Variants in TBX2 observed in about 807,000 individuals in gnomAD.
TBX2 encodes the protein T-box transcription factor 2, also known as T-box transcription factor TBX2.
A neutral mutation model predicts 48.4 loss-of-function variants in TBX2; 19 were observed. The observed-to-expected ratio is 0.39, with a 90% CI of 0.27 to 0.58. The LOEUF is 0.58. Ranked by LOEUF, TBX2 falls within the 20% of genes least tolerant of loss-of-function variation. The pLI, the probability that TBX2 is intolerant of heterozygous loss-of-function variation, is 0.54. For synonymous variants in TBX2, 522 were observed against 459.7 expected (o/e 1.14, Z -1.73); for missense variants, 994 against 1,006.5 (o/e 0.99, Z 0.17).
intron 5 of TBX2, chr17:61,404,978 T>C: frequency 4.0e-6 from 5 of 1,256,614 alleles, no homozygotes; most frequent in Non-Finnish European, 5.6e-6. Context: ...GCCTGGCCCC[T>C]TGGGCGCCGT....
In TBX2 at chr17:61,404,411, G is replaced by T. The variant is rs759913858; in HGVS notation, c.811-10G>T. 3 of 1,603,162 alleles carry T rather than the reference G, an allele frequency of 1.9e-6. No homozygotes were observed. Among genetic ancestry groups the T allele is most frequent in the Non-Finnish European group, 2.6e-6 (3 of 1,175,050 alleles). On this transcript the variant is annotated splice_polypyrimidine_tract_variant and intron_variant, in intron 3 of 6. Transcript: ENST00000240328. The stretch of plus-strand genomic sequence containing the variant: ...GGCCTGACTTAGCGCCGCCCCCTTG[G>T]TCCCCGCAGATCACACAGCTGAAGA...
At position 61,405,702 on chromosome 17, in the gene TBX2, G is replaced by A. The variant is rs947384542; in HGVS notation, c.1552G>A (p.Gly518Ser). Residue 518 changes from glycine to serine, a missense_variant, in exon 6 of 7, where the codon GGC becomes AGC. Around this residue, in one of 5 missense-constraint regions of TBX2, gnomAD observed 639 missense variants for 613.2 expected, o/e 1.04. Transcript: ENST00000240328. ...TCACCTACTGGCCTCGGTGGCAGGC[G>A]GCGGCAACGGCGGAGGTGGCGGGCC... ...MGHLLASVAG[G>S]GNGGGGGPGT... is the part of the protein sequence containing the mutation. The A allele has an allele frequency of 2.6e-5, 36 of 1,377,706 alleles. No homozygotes were observed. Among genetic ancestry groups the A allele is most frequent in the Non-Finnish European group, 3.2e-5 (34 of 1,070,982 alleles). 85.3% of individuals were successfully genotyped at this position (1,377,706 alleles called of 1,614,324 possible).
rs57152256 is a variant in TBX2 at position 61,402,676 on chromosome 17, G to A, written c.664-385G>A. 2.6e-3 allele frequency among the ~76,000 whole-genome samples: 391 copies of A among 152,180 alleles called. 2 individuals carry two copies. The highest frequency in any genetic ancestry group is 9.0e-3 in the African/African-American group (374 of 41,522). On this transcript the variant is annotated intron_variant, in intron 2 of 6. Coordinates refer to ENST00000240328, the MANE Select transcript of TBX2 (RefSeq NM_005994.4). Reference sequence around the variant, plus strand: ...GAGAGTGTTAAGAGTGGAATTGTAGGGCTCTGTTTTGTTTTATTTTGTTTG... The same window carrying A: ...GAGAGTGTTAAGAGTGGAATTGTAGAGCTCTGTTTTGTTTTATTTTGTTTG...
Position 61,408,381 on chromosome 17 carries a change from C to T in TBX2, c.2014C>T (p.Arg672Cys), listed in dbSNP as rs113424512. The T allele has an allele frequency of 1.4e-4, 214 of 1,567,070 alleles. No homozygotes were observed. The highest frequency in any genetic ancestry group is 1.6e-4 in the Non-Finnish European group (188 of 1,157,168). Residue 672 changes from arginine (R) to cysteine (C), a missense_variant, in exon 7 of 7, where the codon CGC becomes TGC. Arg to Cys is a radical substitution (Grantham distance 180, BLOSUM62 -3). Around this residue, in one of 5 missense-constraint regions of TBX2, gnomAD observed 639 missense variants for 613.2 expected, o/e 1.04. Transcript: ENST00000240328. Reference sequence around the variant, plus strand: ...TCTCCGCAAAGTAGGGGCCCCATCCCGCGGTGCCCTGTCGCCCAGTGGCTC... The same window carrying T: ...TCTCCGCAAAGTAGGGGCCCCATCCTGCGGTGCCCTGTCGCCCAGTGGCTC... ...LALRKVGAPSRGALSPSGSAK... is the reference protein window; with the variant it reads ...LALRKVGAPSCGALSPSGSAK...
chr17:61,404,210 C>T (rs2060277962), intron 3 of TBX2, among the ~76,000 whole-genome samples: 1 of 152,212 alleles, frequency 6.6e-6, no homozygotes, highest in South Asian at 2.1e-4. Flanking sequence ...GATAATTCCT[C>T]GAATGAAGCT....
chr17:61,400,599 C>CGCGGGCGG lies in TBX2; in HGVS notation c.395+39_395+46dup. 4 of 1,292,078 alleles carry CGCGGGCGG rather than the reference C, an allele frequency of 3.1e-6. No individual in the cohort carries two copies. Among genetic ancestry groups the CGCGGGCGG allele is most frequent in the Non-Finnish European group, 4.3e-6 (4 of 933,276 alleles). The allele number at this position is 1,292,078 out of a possible 1,614,324, so 80.0% of individuals were successfully genotyped here. On this transcript the variant is annotated intron_variant, in intron 1 of 6. Coordinates refer to ENST00000240328, the MANE Select transcript of TBX2 (RefSeq NM_005994.4). This position sits in a 1 kb window ranked among gnomAD's most constrained non-coding sequence, Gnocchi z 9.2. ...AGGGCTGCCGGCCGGCTGGAAGGCGCGCGGGCGGGCGGGCGGGCTGGGGCA... is the reference window on the plus strand; with the variant it reads ...AGGGCTGCCGGCCGGCTGGAAGGCGCGCGGGCGGGCGGGCGGGCGGGCGGGCTGGGGCA...
rs182730851 is a variant in TBX2, at chr17:61,404,131, A to G, written c.811-290A>G. On this transcript the variant is annotated intron_variant, in intron 3 of 6. Transcript: ENST00000240328. ...TGCGCAAGCCCGCGGGCGGGTGTGC[A>G]TGCTTGGGCTGGTTCCGACACTGTG... Among the ~76,000 whole-genome samples, 3 of 151,766 alleles carry G rather than the reference A, an allele frequency of 2.0e-5. No homozygotes were observed. In the East Asian group the frequency reaches 5.9e-4, roughly 30 times the overall value.
chr17:61,407,036 A>C (rs564273842), intron 6 of TBX2: 1 of 152,314 alleles, frequency 6.6e-6, no homozygotes, highest in East Asian at 1.9e-4. Flanking sequence ...CCGGGTGAGA[A>C]TACCAGCACC....
intron 2 of TBX2, among the ~76,000 whole-genome samples, chr17:61,402,633 A>T (rs1348619671): frequency 6.6e-6 from 1 of 152,140 alleles, no homozygotes; most frequent in Non-Finnish European, 1.5e-5. Context: ...TAGGGGGTTT[A>T]CCAGTGCCAG....
Position 61,400,719 on chromosome 17 carries a change from C to A in TBX2, c.395+148C>A. The A allele has an allele frequency of 1.2e-6, 1 of 841,886 alleles. No individual in the cohort carries two copies. The highest frequency in any genetic ancestry group is 1.8e-6 in the Non-Finnish European group (1 of 564,606). 52.2% of individuals were successfully genotyped at this position (841,886 alleles called of 1,614,324 possible). On this transcript the variant is annotated intron_variant, in intron 1 of 6. Coordinates refer to ENST00000240328, the MANE Select transcript of TBX2 (RefSeq NM_005994.4). This position sits in a 1 kb window ranked among gnomAD's most constrained non-coding sequence, Gnocchi z 9.2. The stretch of plus-strand genomic sequence containing the variant: ...TGACGCCACGCTTCGCTCCCACGGA[C>A]AACCAAGTTGACTTTTCTCGTTTGG...
chr17:61,407,891 A>T lies in TBX2; in HGVS notation c.1687-163A>T, dbSNP rs891166689. 4 of 892,308 alleles carry T rather than the reference A, an allele frequency of 4.5e-6. No homozygotes were observed. The African/African-American group carries it at 6.7e-5, about 15-fold the overall frequency. The allele number at this position is 892,308 out of a possible 1,614,324, so 55.3% of individuals were successfully genotyped here. ...TCTAACTGGGTTTGGCCACAGGCAC[A>T]CTGGCTCATGCTTACCTGTGCTGCC... is the stretch of plus-strand genomic sequence containing the variant. On this transcript the variant is annotated intron_variant, in intron 6 of 6. Transcript: ENST00000240328.
Position 61,404,669 on chromosome 17 carries a change from C to T in TBX2, c.951C>T (p.Gly317=), listed in dbSNP as rs1239916319. ...YEEHCKPERD[G]AESDASSCDP... is the part of the protein sequence containing the mutation. ...AGCACTGCAAACCCGAGCGCGATGGCGCGGAGTCAGACGCCTCGTCGTGCG... is the reference window on the plus strand; with the variant it reads ...AGCACTGCAAACCCGAGCGCGATGGTGCGGAGTCAGACGCCTCGTCGTGCG... The change falls in exon 5 of 7, where the codon GGC becomes GGT. Residue 317 remains glycine (G), a synonymous_variant. Transcript: ENST00000240328. 31 of 1,587,446 alleles carry T rather than the reference C, an allele frequency of 2.0e-5. No individual in the cohort carries two copies. Among genetic ancestry groups the T allele is most frequent in the Non-Finnish European group, 2.7e-5 (31 of 1,167,400 alleles).
chr17:61,403,110 G>C lies in TBX2; in HGVS notation c.713G>C (p.Arg238Pro). Reference sequence around the variant, plus strand: ...TACCAGCCGCGCTTCCACATAGTGCGAGCCAACGACATCCTGAAGCTGCCT... The same window carrying C: ...TACCAGCCGCGCTTCCACATAGTGCCAGCCAACGACATCCTGAAGCTGCCT... Reference protein sequence around the residue: ...HKYQPRFHIVRANDILKLPYS... With the variant: ...HKYQPRFHIVPANDILKLPYS... Residue 238 changes from arginine to proline, a missense_variant, in exon 3 of 7, where the codon CGA becomes CCA. This residue lies in a region of TBX2 where 153 missense variants were observed against 166.2 expected (regional missense o/e 0.92). Transcript: ENST00000240328. This position sits in a 1 kb window ranked among gnomAD's most constrained non-coding sequence, Gnocchi z 5.8. The C allele has an allele frequency of 1.2e-6, 2 of 1,613,716 alleles. No individual in the cohort carries two copies. Among genetic ancestry groups the C allele is most frequent in the Non-Finnish European group, 1.7e-6 (2 of 1,180,020 alleles).
At position 61,400,479 on chromosome 17, in the gene TBX2, G is replaced by A. The variant is rs1197467195; in HGVS notation, c.303G>A (p.Val101=). The part of the protein sequence containing the change: ...SLKSLEPEDE[V]EDDPKVTLEA... ...AGAGCCTGGAGCCCGAGGACGAGGT[G>A]GAGGACGACCCCAAGGTGACGCTGG... is the stretch of plus-strand genomic sequence containing the variant. The change falls in exon 1 of 7, where the codon GTG becomes GTA. Residue 101 remains valine (V), a synonymous_variant. Coordinates refer to ENST00000240328, the MANE Select transcript of TBX2 (RefSeq NM_005994.4). This position sits in a 1 kb window ranked among gnomAD's most constrained non-coding sequence, Gnocchi z 9.2. The A allele has an allele frequency of 6.2e-7, 1 of 1,602,060 alleles. No individual in the cohort carries two copies. The highest frequency in any genetic ancestry group is 1.7e-5 in the Admixed American group (1 of 58,694).
Position 61,405,322 on chromosome 17 carries a change from C to G in TBX2, c.1172C>G (p.Thr391Ser). The stretch of plus-strand genomic sequence containing the variant: ...GACAGCGCCAGCCCCACTCGCTTGA[C>G]CGAACCCGAGCGCGCCCGGGAGCGG... ...APDSASPTRL[T>S]EPERARERRS... Residue 391 changes from threonine (T) to serine (S), a missense_variant, in exon 6 of 7, where the codon ACC becomes AGC. Coordinates refer to ENST00000240328, the MANE Select transcript of TBX2 (RefSeq NM_005994.4). 1 of 1,547,904 alleles carries G rather than the reference C, an allele frequency of 6.5e-7. No homozygotes were observed. Among genetic ancestry groups the G allele is most frequent in the Non-Finnish European group, 8.7e-7 (1 of 1,154,008 alleles).
Position 61,403,024 on chromosome 17 carries a change from G to T in TBX2, c.664-37G>T. ...AAAGAATAGAAAAGCTCGGGCCGGG[G>T]CTGGTGGCTGCCGGCTGACCCCCAC... On this transcript the variant is annotated intron_variant, in intron 2 of 6. Coordinates refer to ENST00000240328, the MANE Select transcript of TBX2 (RefSeq NM_005994.4). The surrounding 1 kb of genome is among the most constrained non-coding windows in gnomAD (Gnocchi z 5.8). The T allele has an allele frequency of 1.9e-6, 3 of 1,586,672 alleles. No individual in the cohort carries two copies. The highest frequency in any genetic ancestry group is 2.4e-5 in the East Asian group (1 of 42,550).
rs927281861 is a variant in TBX2, at chr17:61,406,016, T to A, written c.1686+180T>A. On this transcript the variant is annotated intron_variant, in intron 6 of 6. Transcript: ENST00000240328. The surrounding 1 kb of genome is among the most constrained non-coding windows in gnomAD (Gnocchi z 5.7). ...CACCTGGGTTCTGAGAGACGAGGAC[T>A]GTGTTGTAAGTCCAGGGGCTGGCCA... The A allele has an allele frequency of 5.1e-6, 3 of 587,530 alleles. No individual in the cohort carries two copies. Among genetic ancestry groups the A allele is most frequent in the Non-Finnish European group, 7.5e-6 (3 of 401,724 alleles). The allele number at this position is 587,530 out of a possible 1,614,324, so 36.4% of individuals were successfully genotyped here.
At position 61,404,749 on chromosome 17, in the gene TBX2, T is replaced by A; in HGVS notation, c.1031T>A (p.Leu344Gln). The A allele has an allele frequency of 6.5e-7, 1 of 1,548,854 alleles. No individual in the cohort carries two copies. The highest frequency in any genetic ancestry group is 1.2e-5 in the South Asian group (1 of 85,002). ...TCCCCGGGCGCAGCGCCCAGTCCGC[T>A]GCGCCTGCACCGGGCCCGAGGTGAG... The part of the protein sequence containing the change: ...PTSPGAAPSP[L>Q]RLHRARAEEK... Residue 344 changes from leucine (L) to glutamine (Q), a missense_variant, in exon 5 of 7, where the codon CTG (leucine) becomes CAG (glutamine). By Grantham distance (113) the Leu-to-Gln change is moderately radical. Around this residue, in one of 5 missense-constraint regions of TBX2, gnomAD observed 639 missense variants for 613.2 expected, o/e 1.04. Transcript: ENST00000240328.
intron 6 of TBX2, chr17:61,407,780 A>C: frequency 6.8e-6 from 3 of 444,088 alleles, no homozygotes; most frequent in Non-Finnish European, 1.2e-5. Flanking sequence ...GTCACCTGGA[A>C]TGTCCTTTCC....
Sources: gnomAD v4.1 joint callset for allele counts (sites outside exome capture counted in the v4.1 genomes callset) on GRCh38, gnomAD v4.1.1 for gene constraint, gnomAD v4.1.1 regional missense constraint, Gnocchi (gnomAD v3.1) non-coding constraint, MANE v1.5 for transcripts, NCBI Gene and HGNC (gene_info 2026-07-23, HGNC 2026-07-21) for gene names.